TERB2: variants seen among roughly 807,000 people sequenced by gnomAD.
TERB2 encodes the protein telomere repeat binding bouquet formation protein 2.
A neutral mutation model predicts 29.8 loss-of-function variants in TERB2; 26 were observed. The observed-to-expected ratio is 0.87, with a 90% CI of 0.64 to 1.21. The LOEUF (loss-of-function observed/expected upper bound fraction) is 1.21. Ranked by LOEUF, TERB2 falls within the 50% of genes most tolerant of loss-of-function variation. TERB2 has a pLI of 0.00. For synonymous variants in TERB2, 80 were observed against 90.8 expected (o/e 0.88, Z 0.68); for missense variants, 240 against 268.6 (o/e 0.89, Z 0.74).
At chr15:44,977,177 T>G (rs1224974472) in intron 6 of TERB2, among the ~76,000 whole-genome samples, 1 of 152,070 alleles carries the variant, frequency 6.6e-6, no homozygotes, top group Non-Finnish European at 1.5e-5. Flanking sequence ...TGGTTCTAAT[T>G]AACTCTGAGT....
intron 6 of TERB2, 90 bp downstream of exon 6, chr15:44,974,045 A>G: frequency 8.1e-7 from 1 of 1,229,618 alleles, no homozygotes; most frequent in Non-Finnish European, 1.0e-6. Flanking sequence ...TCAGATACCT[A>G]GAGAGTAGAG....
chr15:44,961,434 G>A (rs1891801696), intron 3 of TERB2, 89 bp from the exon 4 acceptor site: 1 of 855,184 alleles, frequency 1.2e-6, no homozygotes, highest in East Asian at 2.6e-5. Context: ...GAATAACACT[G>A]GCCTAGAAAT....
chr15:44,956,904 G>A lies in TERB2; in HGVS notation c.73G>A (p.Gly25Arg), dbSNP rs780054329. Reference protein sequence around the residue: ...QDLRQFWVAEGGTISDPRAAD... With the variant: ...QDLRQFWVAERGTISDPRAAD... Reference sequence around the variant, plus strand: ...TGCTCTTACCTCCACAGTGGCTGAAGGGGGAACGATCAGTGACCCGCGAGC... The same window carrying A: ...TGCTCTTACCTCCACAGTGGCTGAAAGGGGAACGATCAGTGACCCGCGAGC... The change falls in exon 2 of 7, where the codon GGG becomes AGG. Residue 25 changes from glycine (G) to arginine (R), a missense_variant. Physicochemically the swap from Gly to Arg is moderately radical, Grantham distance 125. Coordinates refer to ENST00000340827, the MANE Select transcript of TERB2 (RefSeq NM_152448.3). 1.2e-6 allele frequency: 2 copies of A among 1,614,034 alleles called. No individual in the cohort carries two copies. The highest frequency in any genetic ancestry group is 1.7e-6 in the Non-Finnish European group (2 of 1,179,974).
chr15:44,962,310 T>C (rs1311369266), intron 4 of TERB2, among the ~76,000 whole-genome samples: 1 of 151,058 alleles, frequency 6.6e-6, no homozygotes, highest in African/African-American at 2.4e-5. Flanking sequence ...GCCTCCAGAG[T>C]AGCTGGGACC....
intron 3 of TERB2, among the ~76,000 whole-genome samples, chr15:44,959,597 A>G (rs1692693661): frequency 1.3e-5 from 2 of 152,016 alleles, no homozygotes; most frequent in Non-Finnish European, 2.9e-5. Flanking sequence ...TGAATTCCTG[A>G]CCTCAAGTGA....
chr15:44,971,015 C>T (rs1891958803), intron 5 of TERB2: 4 of 175,362 alleles, frequency 2.3e-5, no homozygotes, highest in Admixed American at 1.3e-4. Context: ...TAAGATTTCT[C>T]TTTCTCTGAA....
chr15:44,969,555 G>C (rs1891938110), intron 5 of TERB2, among the ~76,000 whole-genome samples: 1 of 151,522 alleles, frequency 6.6e-6, no homozygotes, highest in South Asian at 2.1e-4. Flanking sequence ...TTGGAAAGCT[G>C]AGCCATGAGG....
chr15:44,977,571 C>A (rs1892063907), intron 6 of TERB2, among the ~76,000 whole-genome samples: 1 of 151,944 alleles, frequency 6.6e-6, no homozygotes, highest in African/African-American at 2.4e-5. Context: ...TTCAAGAGCT[C>A]CTAAAGTAAA....
intron 5 of TERB2, among the ~76,000 whole-genome samples, chr15:44,967,302 C>T (rs770128180): frequency 2.0e-5 from 3 of 152,154 alleles, no homozygotes; most frequent in South Asian, 2.1e-4. Context: ...AACCTGTGGC[C>T]GGAGTCAATC....
At chr15:44,964,127 C>T (rs1315961864) in intron 4 of TERB2, among the ~76,000 whole-genome samples, 2 of 152,042 alleles carry the variant, frequency 1.3e-5, no homozygotes. Context: ...TATTCTTTAA[C>T]TTTGTGGTAA....
At position 44,978,502 on chromosome 15, in the gene TERB2, T is replaced by A; in HGVS notation, c.537T>A (p.Ile179=). ...VNNMVTGYIS[I]DAMKKFLGEL... The stretch of plus-strand genomic sequence containing the variant: ...TTTATTTTGTAGGTTATATATCAAT[T>A]GATGCCATGAAGAAATTCCTTGGGG... Residue 179 remains isoleucine, a synonymous_variant, in exon 7 of 7, where the codon ATT becomes ATA. Coordinates refer to ENST00000340827, the MANE Select transcript of TERB2 (RefSeq NM_152448.3). 1 of 1,603,704 alleles carries A rather than the reference T, an allele frequency of 6.2e-7. No individual in the cohort carries two copies.
At chr15:44,968,888 GT>G (rs1006987593) in intron 5 of TERB2, among the ~76,000 whole-genome samples, 15 of 151,858 alleles carry the variant, frequency 9.9e-5, no homozygotes, top group South Asian at 2.1e-4. Context: ...ATAAAGAGGA[GT>G]TTTTTTTCTT....
intron 5 of TERB2, among the ~76,000 whole-genome samples, chr15:44,966,842 T>C (rs1488563738): frequency 6.6e-6 from 1 of 152,190 alleles, no homozygotes; most frequent in Non-Finnish European, 1.5e-5. Flanking sequence ...CGCATGCTTG[T>C]AATCTCAGCA....
At chr15:44,961,285 TACA>T (rs1430900539) in intron 3 of TERB2, among the ~76,000 whole-genome samples, 1 of 150,978 alleles carries the variant, frequency 6.6e-6, no homozygotes, top group Non-Finnish European at 1.5e-5. Flanking sequence ...AGGAAACGTC[TACA>T]ACAATGATTA....
intron 5 of TERB2, among the ~76,000 whole-genome samples, chr15:44,969,255 C>A (rs1241129911): frequency 1.3e-5 from 2 of 152,192 alleles, no homozygotes; most frequent in Non-Finnish European, 2.9e-5. Context: ...AGCTGTGTAC[C>A]ACCCCGTCTA....
rs748583490 is a variant in TERB2, at chr15:44,961,590, A to C, written c.348+6A>C. On this transcript the variant is annotated splice_donor_region_variant and intron_variant, in intron 4 of 6. Transcript: ENST00000340827. Reference sequence around the variant, plus strand: ...AACATTTTCTGATAGAAAAGGTAAGAGTAAATTAAGGTACTTGATTAGCAT... The same window carrying C: ...AACATTTTCTGATAGAAAAGGTAAGCGTAAATTAAGGTACTTGATTAGCAT... The C allele has an allele frequency of 6.4e-7, 1 of 1,571,600 alleles. No homozygotes were observed. Among genetic ancestry groups the C allele is most frequent in the Non-Finnish European group, 8.6e-7 (1 of 1,156,830 alleles).
At chr15:44,959,238 G>T (rs1180348265) in intron 3 of TERB2, among the ~76,000 whole-genome samples, 3 of 151,844 alleles carry the variant, frequency 2.0e-5, no homozygotes, top group Non-Finnish European at 4.4e-5. Context: ...AATTTTTTCA[G>T]CAGCCCTAGG....
chr15:44,965,184 A>AG (rs1231750900), intron 4 of TERB2, among the ~76,000 whole-genome samples: 5 of 147,902 alleles, frequency 3.4e-5, no homozygotes, highest in East Asian at 1.9e-4. Flanking sequence ...AAAAAAAAAA[A>AG]AAAAGAAAAG....
intron 6 of TERB2, among the ~76,000 whole-genome samples, chr15:44,976,380 T>C (rs887234224): frequency 6.6e-6 from 1 of 152,138 alleles, no homozygotes; most frequent in Non-Finnish European, 1.5e-5. Flanking sequence ...TTGGCAGGTG[T>C]TGGGTCCTTG....
Sources: gnomAD v4.1 joint callset for allele counts (sites outside exome capture counted in the v4.1 genomes callset) on GRCh38, gnomAD v4.1.1 for gene constraint, MANE v1.5 for transcripts, NCBI Gene and HGNC (gene_info 2026-07-23, HGNC 2026-07-21) for gene names.